Variants in CLEC1A observed in about 807,000 individuals in gnomAD.
The protein encoded by CLEC1A is C-type lectin domain family 1 member A, also known as C-type lectin-like receptor-1.
Under a neutral mutation model 28.7 loss-of-function variants are expected in CLEC1A, and 34 were observed. The observed-to-expected ratio is 1.18, with a 90% CI of 0.90 to 1.57. The LOEUF is 1.57. Among genes scored for constraint, CLEC1A ranks in the 40% most tolerant of loss-of-function variants. The probability of loss-of-function intolerance (pLI) is 0.00; values close to 1 mark genes in which losing one functional copy is unlikely to be tolerated. For missense variants in CLEC1A, 385 were observed against 339.5 expected, an observed-to-expected ratio of 1.13 and a Z score of -1.05; for synonymous variants, 116 against 121.0, an observed-to-expected ratio of 0.96 and a Z score of 0.27.
intron 5 of CLEC1A, among the ~76,000 whole-genome samples, chr12:10,071,867 A>T (rs185603092): frequency 1.1e-3 from 168 of 152,370 alleles, no homozygotes; most frequent in Admixed American, 2.4e-3. Context: ...GTCTCCTGGG[A>T]GAATAATGAT....
At chr12:10,074,313 G>A (rs1158684314) in intron 4 of CLEC1A, among the ~76,000 whole-genome samples, 1 of 152,066 alleles carries the variant, frequency 6.6e-6, no homozygotes, top group East Asian at 1.9e-4. Flanking sequence ...AGAGATTATT[G>A]AAAATGTAAA....
At chr12:10,085,597 G>A (rs1300736258) in intron 2 of CLEC1A, among the ~76,000 whole-genome samples, 1 of 146,674 alleles carries the variant, frequency 6.8e-6, no homozygotes, top group African/African-American at 2.5e-5. Context: ...GTGATAAAAG[G>A]AATAGTCCAA....
At chr12:10,080,114 G>A (rs2200743) in intron 3 of CLEC1A, among the ~76,000 whole-genome samples, 72,373 of 151,998 alleles carry the variant, frequency 0.48, 20,857 homozygotes, top group Middle Eastern at 0.73. Flanking sequence ...TTCAAGACCA[G>A]CCTGCCCAAC....
intron 1 of CLEC1A, among the ~76,000 whole-genome samples, chr12:10,091,339 CTATT>C (rs1035501069): frequency 3.9e-5 from 6 of 152,028 alleles, no homozygotes; most frequent in African/African-American, 1.4e-4. Context: ...ATGACTTAAA[CTATT>C]TAAGTTTTAA....
Position 10,084,862 on chromosome 12 carries a change from G to C in CLEC1A, c.215-3449C>G, listed in dbSNP as rs547130192. 8.9e-4 allele frequency among the ~76,000 whole-genome samples: 116 copies of C among 130,102 alleles called. 2 individuals carry two copies. The highest frequency in any genetic ancestry group is 2.9e-3 in the Admixed American group (38 of 12,966). The allele number at this position is 130,102 out of a possible 152,430, so 85.4% of individuals were successfully genotyped here. A position where few individuals can be genotyped will look rare whatever the true frequency, so the allele number is the denominator to read the frequency against. ...AAAAAAAGAAAAGAAAATGTTGTAA[G>C]ACAGAAACATCAGGTAATCTATAAT... On this transcript the variant is annotated intron_variant, in intron 2 of 5. Transcript: ENST00000315330.
At position 10,069,932 on chromosome 12, in the gene CLEC1A, T is replaced by C. The variant is rs1866091349; in HGVS notation, c.*1401A>G. The C allele has an allele frequency of 6.6e-6, 1 of 152,338 alleles. No homozygotes were observed. The highest frequency in any genetic ancestry group is 1.5e-5 in the Non-Finnish European group (1 of 68,020). The allele number at this position is 152,338 out of a possible 1,614,324, so 9.4% of individuals were successfully genotyped here. A position where few individuals can be genotyped will look rare whatever the true frequency, so the allele number is the denominator to read the frequency against. On this transcript the variant is annotated 3_prime_UTR_variant, in exon 6 of 6. Coordinates refer to ENST00000315330, the MANE Select transcript of CLEC1A (RefSeq NM_016511.4). ...TACTATACGTCATTTTACCATGAGATAGATGTTTATGAAAAACAAAACTGA... is the reference window on the plus strand; with the variant it reads ...TACTATACGTCATTTTACCATGAGACAGATGTTTATGAAAAACAAAACTGA...
intron 3 of CLEC1A, among the ~76,000 whole-genome samples, chr12:10,077,730 A>G (rs1866281889): frequency 6.6e-6 from 1 of 152,196 alleles, no homozygotes; most frequent in Admixed American, 6.5e-5. Flanking sequence ...ACATGAAAAT[A>G]TGTCATCCAA....
At chr12:10,076,906 G>A (rs1403272987) in intron 3 of CLEC1A, among the ~76,000 whole-genome samples, 2 of 152,052 alleles carry the variant, frequency 1.3e-5, no homozygotes, top group African/African-American at 4.8e-5. Context: ...TTCTGCTCTG[G>A]ATTCAATAAA....
At position 10,071,394 on chromosome 12, in the gene CLEC1A, G is replaced by A. The variant is rs749429527; in HGVS notation, c.782C>T (p.Ala261Val). ...ELKRCVCERR[A>V]GMVKPESLHV... ...GAGGCTCTCTGGCTTCACCATTCCT[G>A]CCCTTCTCTCACAGACACAACGCTT... is the stretch of plus-strand genomic sequence containing the variant. Residue 261 changes from alanine to valine, a missense_variant, in exon 6 of 6, where the codon GCA becomes GTA. By Grantham distance (64) the Ala-to-Val change is moderately conservative (BLOSUM62 0). Transcript: ENST00000315330. 7.4e-6 allele frequency: 12 copies of A among 1,613,788 alleles called. No homozygotes were observed. Among genetic ancestry groups the A allele is most frequent in the Non-Finnish European group, 9.3e-6 (11 of 1,179,890 alleles).
chr12:10,087,136 C>T (rs1345398810), intron 2 of CLEC1A, among the ~76,000 whole-genome samples: 4 of 131,884 alleles, frequency 3.0e-5, no homozygotes, highest in African/African-American at 1.2e-4. Flanking sequence ...ACCCGGGAGG[C>T]GAAGGTTGCA....
At chr12:10,089,534 T>C (rs534754971) in intron 1 of CLEC1A, among the ~76,000 whole-genome samples, 1 of 151,892 alleles carries the variant, frequency 6.6e-6, no homozygotes, top group Non-Finnish European at 1.5e-5. Flanking sequence ...CTTCTGCTTG[T>C]CAAAATTCTA....
intron 1 of CLEC1A, among the ~76,000 whole-genome samples, chr12:10,097,480 T>C (rs187656150): frequency 3.9e-5 from 6 of 152,352 alleles, no homozygotes; most frequent in African/African-American, 1.4e-4. Flanking sequence ...ATATGTTGCC[T>C]AAGATAACTA....
intron 1 of CLEC1A, among the ~76,000 whole-genome samples, chr12:10,090,881 T>C (rs537567772): frequency 2.3e-4 from 35 of 152,168 alleles, no homozygotes; most frequent in African/African-American, 8.4e-4. Flanking sequence ...AAAAGCTTTA[T>C]TGCACTTAAA....
chr12:10,089,886 T>C (rs1391258116), intron 1 of CLEC1A, among the ~76,000 whole-genome samples: 2 of 152,172 alleles, frequency 1.3e-5, no homozygotes, highest in African/African-American at 4.8e-5. Flanking sequence ...ATCTAAACTA[T>C]TTTTGCAACA....
chr12:10,071,734 A>C (rs1383739568), intron 5 of CLEC1A, among the ~76,000 whole-genome samples: 1 of 152,172 alleles, frequency 6.6e-6, no homozygotes, highest in Non-Finnish European at 1.5e-5. Flanking sequence ...TTCTAACTAA[A>C]GCGAAGCTAC....
intron 2 of CLEC1A, among the ~76,000 whole-genome samples, chr12:10,086,097 C>G (rs1866487336): frequency 6.6e-6 from 1 of 151,944 alleles, no homozygotes. Context: ...TTTGGGTAAA[C>G]AACGAAATCA....
intron 2 of CLEC1A, among the ~76,000 whole-genome samples, chr12:10,084,819 ATC>A (rs1866448741): frequency 5.2e-5 from 6 of 115,234 alleles, no homozygotes; most frequent in Non-Finnish European, 1.7e-5. Flanking sequence ...GAGACTCTGT[ATC>A]AAAAAAAAAA....
intron 5 of CLEC1A, among the ~76,000 whole-genome samples, chr12:10,072,439 G>A (rs1056113910): frequency 6.6e-6 from 1 of 152,204 alleles, no homozygotes; most frequent in African/African-American, 2.4e-5. Context: ...TACGACTAGT[G>A]TTTTATATTA....
At chr12:10,081,926 G>A (rs1007602615) in intron 2 of CLEC1A, among the ~76,000 whole-genome samples, 1 of 152,090 alleles carries the variant, frequency 6.6e-6, no homozygotes. Flanking sequence ...AGAAATGGAT[G>A]TAGGGAGCCA....
Sources: gnomAD v4.1 joint callset for allele counts (sites outside exome capture counted in the v4.1 genomes callset) on GRCh38, gnomAD v4.1.1 for gene constraint, MANE v1.5 for transcripts, NCBI Gene and HGNC (gene_info 2026-07-23, HGNC 2026-07-21) for gene names.